FAM186B: variants seen among roughly 807,000 people sequenced by gnomAD.
The protein encoded by FAM186B is protein FAM186B.
A neutral mutation model predicts 83.4 loss-of-function variants in FAM186B; 68 were observed. The ratio of observed to expected loss-of-function variants is 0.81; its 90% CI spans 0.67 to 1.00. The LOEUF is 1.00. Ranked by LOEUF, FAM186B falls within the 50% of genes least tolerant of loss-of-function variation. The probability of loss-of-function intolerance (pLI) is 0.00; values close to 1 mark genes in which losing one functional copy is unlikely to be tolerated. For missense variants in FAM186B, 983 were observed against 1,099.2 expected (o/e 0.89, Z 1.49); for synonymous variants, 389 against 422.0 (o/e 0.92, Z 0.96).
chr12:49,599,666 C>T lies in FAM186B; in HGVS notation c.1974G>A (p.Lys658=), dbSNP rs577978845. 7 of 1,605,678 alleles carry T rather than the reference C, an allele frequency of 4.4e-6. No individual in the cohort carries two copies. The South Asian group carries it at 6.7e-5, about 15-fold the overall frequency. Residue 658 remains lysine (K), a synonymous_variant, in exon 4 of 7, where the codon AAG becomes AAA. Coordinates refer to ENST00000257894, the MANE Select transcript of FAM186B (RefSeq NM_032130.3). ...CCATGTCCATGTGGTACACCTTCTT[C>T]TTAATATTTGCAGGGGATATCTGCA... The part of the protein sequence containing the change: ...PSLQISPANI[K]KKVYHMDMEA...
chr12:49,622,181 G>A, the FAM186B span, among the ~76,000 whole-genome samples: 20 of 152,314 alleles, frequency 1.3e-4, no homozygotes, highest in African/African-American at 4.8e-4. Context: ...GAGCGGTGGA[G>A]AGGCCGCCGG....
At chr12:49,619,339 A>G in the FAM186B span, 1 of 370,062 alleles carries the variant, frequency 2.7e-6, no homozygotes. Flanking sequence ...TCACTGTGTC[A>G]ACAAATACAG....
chr12:49,600,454 T>C lies in FAM186B; in HGVS notation c.1186A>G (p.Thr396Ala). The C allele has an allele frequency of 6.2e-7, 1 of 1,613,466 alleles. No homozygotes were observed. Among genetic ancestry groups the C allele is most frequent in the Non-Finnish European group, 8.5e-7 (1 of 1,179,576 alleles). Residue 396 changes from threonine to alanine, a missense_variant, in exon 4 of 7, where the codon ACT (threonine) becomes GCT (alanine). Thr to Ala is a moderately conservative substitution (Grantham distance 58). Transcript: ENST00000257894. This position sits in a 1 kb window ranked among gnomAD's most constrained non-coding sequence, Gnocchi z 4.3. ...ACATCTGCGACCCTCGAGCGCACAG[T>C]CATGGTGGAAAGTGGCTGGTGCCCT... ...AAGHQPLSTMTVRSRVADVFG... is the reference protein window; with the variant it reads ...AAGHQPLSTMAVRSRVADVFG...
chr12:49,600,794 G>T lies in FAM186B; in HGVS notation c.846C>A (p.Phe282Leu), dbSNP rs1939870700. Residue 282 changes from phenylalanine (F) to leucine (L), a missense_variant, in exon 4 of 7, where the codon TTC (phenylalanine) becomes TTA (leucine). By Grantham distance (22) the Phe-to-Leu change is conservative. Transcript: ENST00000257894. This position sits in a 1 kb window ranked among gnomAD's most constrained non-coding sequence, Gnocchi z 4.3. ...LSSQRLHFQQ[F>L]MEVLESRRDA... ...CCCTCCTGCTCTCAAGGACCTCCAT[G>T]AACTGCTGGAAGTGCAGCCTCTGGC... 1 of 1,612,508 alleles carries T rather than the reference G, an allele frequency of 6.2e-7. No individual in the cohort carries two copies.
chr12:49,619,056 CT>C, the FAM186B span, among the ~76,000 whole-genome samples: 12 of 152,218 alleles, frequency 7.9e-5, no homozygotes, highest in Non-Finnish European at 7.3e-5. Flanking sequence ...GTGTCAGAAG[CT>C]AGAAGACCAT....
At chr12:49,583,261 C>G (rs1427830859), downstream of FAM186B, 3 of 342,656 alleles carry the variant, frequency 8.8e-6, no homozygotes, top group African/African-American at 2.1e-5. Context: ...ATTTATAAAA[C>G]TTGTTCAATT....
chr12:49,614,994 GGCGGGTACCTGTA>G, the FAM186B span, among the ~76,000 whole-genome samples: 10 of 152,110 alleles, frequency 6.6e-5, no homozygotes, highest in African/African-American at 2.4e-4. Flanking sequence ...CAGGCGTGGG[GGCGGGTACCTGTA>G]GTCCCAGCTA....
chr12:49,600,943 T>C lies in FAM186B; in HGVS notation c.697A>G (p.Ile233Val). The C allele has an allele frequency of 6.2e-7, 1 of 1,614,114 alleles. No individual in the cohort carries two copies. The highest frequency in any genetic ancestry group is 8.5e-7 in the Non-Finnish European group (1 of 1,179,964). ...TCCACCACAGTGGCCATGTACCTGA[T>C]GGCCCTGACCTCCCCCTTGCTGAAC... The part of the protein sequence containing the change: ...TMFSKGEVRA[I>V]RYMATVVENL... Residue 233 changes from isoleucine to valine, a missense_variant, in exon 4 of 7, where the codon ATC (isoleucine) becomes GTC (valine). Ile to Val is a conservative substitution (Grantham distance 29). Coordinates refer to ENST00000257894, the MANE Select transcript of FAM186B (RefSeq NM_032130.3). The surrounding 1 kb of genome is among the most constrained non-coding windows in gnomAD (Gnocchi z 4.3).
Position 49,600,881 on chromosome 12 carries a change from C to T in FAM186B, c.759G>A (p.Glu253=). The T allele has an allele frequency of 1.2e-6, 2 of 1,614,176 alleles. No individual in the cohort carries two copies. The highest frequency in any genetic ancestry group is 8.5e-7 in the Non-Finnish European group (1 of 1,180,006). ...LNKALILQHK[E]NRSLETKYRH... ...TGTATTTGGTCTCCAGGCTCCTGTT[C>T]TCCTTGTGTTGGAGGATCAAGGCCT... The change falls in exon 4 of 7, where the codon GAG becomes GAA. Residue 253 remains glutamate (E), a synonymous_variant. Transcript: ENST00000257894. This position sits in a 1 kb window ranked among gnomAD's most constrained non-coding sequence, Gnocchi z 4.3.
chr12:49,596,323 C>CAAAAAAA (rs933362822), intron 5 of FAM186B, among the ~76,000 whole-genome samples: 2 of 64,312 alleles, frequency 3.1e-5, no homozygotes, highest in African/African-American at 4.8e-5. Context: ...ACCCCCGTCT[C>CAAAAAAA]AAAAAAAAAA....
At chr12:49,586,403 C>T (rs1163461159), downstream of FAM186B, among the ~76,000 whole-genome samples, 2 of 152,184 alleles carry the variant, frequency 1.3e-5, no homozygotes, top group Non-Finnish European at 2.9e-5. Context: ...CAGAAAGTTA[C>T]TGACGTCATG....
chr12:49,595,389 G>A (rs1017725805), intron 5 of FAM186B: 16 of 540,204 alleles, frequency 3.0e-5, no homozygotes, highest in Non-Finnish European at 4.4e-5. Context: ...CTGTGAAGGA[G>A]ATACTAAAGG....
Position 49,605,617 on chromosome 12 carries a change from C to T in FAM186B, c.-140G>A. 4 of 775,182 alleles carry T rather than the reference C, an allele frequency of 5.2e-6. No individual in the cohort carries two copies. The highest frequency in any genetic ancestry group is 7.5e-4 in the Middle Eastern group (2 of 2,656). The allele number at this position is 775,182 out of a possible 1,614,324, so 48.0% of individuals were successfully genotyped here. A position where few individuals can be genotyped will look rare whatever the true frequency, so the allele number is the denominator to read the frequency against. ...TGCCCAGGCACAGCTCCTCTGGTAACTGCCAAACACCAGGTTCCAACTGAT... is the reference window on the plus strand; with the variant it reads ...TGCCCAGGCACAGCTCCTCTGGTAATTGCCAAACACCAGGTTCCAACTGAT... On this transcript the variant is annotated 5_prime_UTR_variant, in exon 1 of 7. Transcript: ENST00000257894.
chr12:49,584,673 T>A (rs1178375685), downstream of FAM186B: 9 of 701,006 alleles, frequency 1.3e-5, no homozygotes, highest in East Asian at 2.1e-4. Context: ...CCAGGCCATG[T>A]GAGTGCCATC....
chr12:49,592,973 C>T (rs1025696223), intron 5 of FAM186B: 6 of 152,074 alleles, frequency 3.9e-5, no homozygotes, highest in Non-Finnish European at 7.4e-5. Context: ...AACTCAACTG[C>T]GTTGATAATC....
In FAM186B at chr12:49,588,542, A is replaced by G; in HGVS notation, c.2446T>C (p.Ser816Pro). 1 of 1,612,740 alleles carries G rather than the reference A, an allele frequency of 6.2e-7. No homozygotes were observed. Among genetic ancestry groups the G allele is most frequent in the East Asian group, 2.2e-5 (1 of 44,840 alleles). ...KPKKCKLPAA[S>P]PRHIRPSGPT... ...CCACTGGGGCGGATGTGCCGGGGTG[A>G]GGCTGCAGGCAACTTGCATTTCTTT... The change falls in exon 6 of 7, where the codon TCA becomes CCA. Residue 816 changes from serine to proline, a missense_variant. Physicochemically the swap from Ser to Pro is moderately conservative, Grantham distance 74. Coordinates refer to ENST00000257894, the MANE Select transcript of FAM186B (RefSeq NM_032130.3).
the FAM186B span, among the ~76,000 whole-genome samples, chr12:49,616,071 C>T: frequency 6.6e-6 from 1 of 151,808 alleles, no homozygotes; most frequent in Non-Finnish European, 1.5e-5. Context: ...GCTCTGTCGC[C>T]CAACCTGGAG....
intron 5 of FAM186B, chr12:49,595,323 C>A: frequency 1.6e-6 from 1 of 617,186 alleles, no homozygotes; most frequent in Non-Finnish European, 3.0e-6. Context: ...GACCATATGA[C>A]ATAGTAGTTC....
intron 5 of FAM186B, among the ~76,000 whole-genome samples, chr12:49,591,718 G>A (rs904485836): frequency 6.6e-6 from 1 of 152,186 alleles, no homozygotes; most frequent in South Asian, 2.1e-4. Context: ...CTATCCGTGG[G>A]GTATTGGCTC....
Sources: allele counts gnomAD v4.1 joint callset (sites outside exome capture counted in the v4.1 genomes callset), GRCh38; gene constraint gnomAD v4.1.1; non-coding constraint Gnocchi (gnomAD v3.1); transcripts MANE v1.5; gene names NCBI Gene and HGNC (gene_info 2026-07-23, HGNC 2026-07-21).